ATG4A: variants seen among roughly 807,000 people sequenced by gnomAD.
ATG4A encodes the protein autophagy related 4A cysteine peptidase.
ATG4A carries 22 observed loss-of-function variants against 38.4 expected under a neutral mutation model. The ratio of observed to expected loss-of-function variants is 0.57; its 90% confidence interval spans 0.41 to 0.82. The LOEUF (loss-of-function observed/expected upper bound fraction) is 0.82. ATG4A is among the 40% of genes least tolerant of loss of function. The pLI is 0.00. For missense variants in ATG4A, 220 were observed against 290.0 expected, an observed-to-expected ratio of 0.76 and a Z score of 1.75; for synonymous variants, 86 against 100.7, an observed-to-expected ratio of 0.85 and a Z score of 0.88.
intron 1 of ATG4A, among the ~76,000 whole-genome samples, chrX:108,121,825 CT>C (rs1336678924): frequency 8.9e-6 from 1 of 112,058 alleles, no homozygotes; most frequent in Admixed American, 9.5e-5. Context: ...ACCCTCTATA[CT>C]TAACACATAG....
rs2033550272 is a variant in ATG4A at position 108,150,207 on chromosome X, A to G, written c.870A>G (p.Glu290=). 1 of 1,211,946 alleles carries G rather than the reference A, an allele frequency of 8.3e-7. No homozygotes were observed. Among genetic ancestry groups the G allele is most frequent in the Non-Finnish European group, 1.1e-6 (1 of 895,436 alleles). The change falls in exon 10 of 13, where the codon GAA becomes GAG. Residue 290 remains glutamate (E), a synonymous_variant. Coordinates refer to ENST00000372232, the MANE Select transcript of ATG4A (RefSeq NM_052936.5). ...CAACCCAGACCTTTGTTGACACTGA[A>G]GAGAATGGAACGGTTAATGACCAGA... is the stretch of plus-strand genomic sequence containing the variant. ...PHTTQTFVDT[E]ENGTVNDQTF...
chrX:108,107,887 A>G (rs1316976382), intron 1 of ATG4A, among the ~76,000 whole-genome samples: 2 of 111,194 alleles, frequency 1.8e-5, no homozygotes, highest in Non-Finnish European at 1.9e-5. Context: ...GGGACTCATT[A>G]CTGCCTGGCA....
chrX:108,126,211 G>A, intron 2 of ATG4A, 24 bp downstream of exon 2: 1 of 1,114,983 alleles, frequency 9.0e-7, no homozygotes, highest in Non-Finnish European at 1.2e-6. Flanking sequence ...GCATTTGTCT[G>A]TAAGAACCCA....
rs766089721 is a variant in ATG4A, at chrX:108,109,372, T to TA, written c.11-16705_11-16704insA. Among the ~76,000 whole-genome samples the TA allele has an allele frequency of 7.1e-5, 8 of 112,366 alleles. 1 individual carries two copies. In the East Asian group the frequency reaches 2.2e-3, roughly 31 times the overall value. The stretch of plus-strand genomic sequence containing the variant: ...TGTTGTTCTTTATATATTCTGGATA[T>TA]TAACCCCTTATCAGATATGTGATTT... On this transcript the variant is annotated intron_variant, in intron 1 of 12. Coordinates refer to ENST00000372232, the MANE Select transcript of ATG4A (RefSeq NM_052936.5).
At chrX:108,134,927 G>T (rs2033059213) in intron 6 of ATG4A, among the ~76,000 whole-genome samples, 1 of 112,006 alleles carries the variant, frequency 8.9e-6, no homozygotes, top group Non-Finnish European at 1.9e-5. Flanking sequence ...ACCTGTTGGG[G>T]GCGACAAACC....
At chrX:108,113,092 A>AT (rs967826854) in intron 1 of ATG4A, among the ~76,000 whole-genome samples, 4 of 109,013 alleles carry the variant, frequency 3.7e-5, no homozygotes, top group Admixed American at 2.0e-4. Flanking sequence ...TCTCTAGTCC[A>AT]TTTTTTTTTC....
chrX:108,111,317 T>C (rs915393370), intron 1 of ATG4A, among the ~76,000 whole-genome samples: 4 of 112,790 alleles, frequency 3.5e-5, no homozygotes, highest in Non-Finnish European at 7.5e-5. Context: ...GTACTTTTCA[T>C]TGGTCCTACA....
chrX:108,135,847 C>G lies in ATG4A; in HGVS notation c.468-1244C>G, dbSNP rs189927633. Among the ~76,000 whole-genome samples, 381 of 107,799 alleles carry G rather than the reference C, an allele frequency of 3.5e-3. 2 individuals carry two copies. The highest frequency in any genetic ancestry group is 0.012 in the African/African-American group (360 of 29,478). 93.6% of individuals were successfully genotyped at this position (107,799 alleles called of 115,157 possible). ...TCGCCCAGGCTGGAGTGCAGTGGCA[C>G]AATCTCCGCTCACTGCAACCTCCAC... On this transcript the variant is annotated intron_variant, in intron 6 of 12. Transcript: ENST00000372232.
intron 6 of ATG4A, among the ~76,000 whole-genome samples, chrX:108,136,327 A>C (rs978311838): frequency 5.4e-5 from 6 of 111,490 alleles, no homozygotes. Flanking sequence ...GCCGGGTTAA[A>C]CATGGCCTTA....
In ATG4A at chrX:108,137,848, G is replaced by A; in HGVS notation, c.592G>A (p.Asp198Asn). 1 of 1,188,855 alleles carries A rather than the reference G, an allele frequency of 8.4e-7. No homozygotes were observed. The highest frequency in any genetic ancestry group is 1.1e-6 in the Non-Finnish European group (1 of 886,452). Residue 198 changes from aspartate to asparagine, a missense_variant, in exon 8 of 13, where the codon GAC becomes AAC. Physicochemically the swap from Asp to Asn is conservative, Grantham distance 23. Transcript: ENST00000372232. ...TCCCTTGAGTGCTGACACAGCTGGT[G>A]ACAGGCCTCCCGATTCTTTAACTGC... ...VLPLSADTAGDRPPDSLTASN... is the reference protein window; with the variant it reads ...VLPLSADTAGNRPPDSLTASN...
chrX:108,126,318 T>C, intron 2 of ATG4A, 131 bp downstream of exon 2: 2 of 505,254 alleles, frequency 4.0e-6, no homozygotes, highest in East Asian at 7.6e-5. Context: ...TGAGGTGGAT[T>C]TAACTTGTAG....
chrX:108,142,711 A>C (rs2033334653), intron 9 of ATG4A, among the ~76,000 whole-genome samples: 1 of 110,694 alleles, frequency 9.0e-6, no homozygotes, highest in Non-Finnish European at 1.9e-5. Context: ...GGCTAGGCCC[A>C]TCTCTCTTTT....
intron 6 of ATG4A, among the ~76,000 whole-genome samples, chrX:108,136,613 G>T (rs889481745): frequency 1.8e-5 from 2 of 111,376 alleles, no homozygotes; most frequent in Non-Finnish European, 3.8e-5. Context: ...CTATCTCTGG[G>T]TTTACCTGGA....
upstream of ATG4A, among the ~76,000 whole-genome samples, chrX:108,089,436 T>C (rs1002425451): frequency 8.9e-6 from 1 of 112,338 alleles, no homozygotes; most frequent in Non-Finnish European, 1.9e-5. Context: ...GAAATGTTCA[T>C]TAAACTAGTT....
Position 108,134,365 on chromosome X carries a change from T to C in ATG4A, c.421T>C (p.Ser141Pro). 8.3e-7 allele frequency: 1 copy of C among 1,211,216 alleles called. No homozygotes were observed. Among genetic ancestry groups the C allele is most frequent in the African/African-American group, 1.7e-5 (1 of 57,859 alleles). Residue 141 changes from serine to proline, a missense_variant, in exon 6 of 13, where the codon TCA (serine) becomes CCA (proline). Transcript: ENST00000372232. ...ACAAATGGGTGTAGGAGAAGGGAAA[T>C]CAATTGGAGAATGGTTTGGACCAAA... ...MAQMGVGEGK[S>P]IGEWFGPNTV...
At chrX:108,149,363 C>T (rs937120423) in intron 9 of ATG4A, among the ~76,000 whole-genome samples, 12 of 112,759 alleles carry the variant, frequency 1.1e-4, no homozygotes, top group African/African-American at 2.9e-4. Context: ...GGACTGTCAG[C>T]CCTTTGAATA....
At chrX:108,115,120 T>TATGC (rs1569303546) in intron 1 of ATG4A, among the ~76,000 whole-genome samples, 1 of 87,889 alleles carries the variant, frequency 1.1e-5, no homozygotes, top group African/African-American at 5.4e-5. Flanking sequence ...CATGTATGCG[T>TATGC]GTGTGTGTGT....
upstream of ATG4A, among the ~76,000 whole-genome samples, chrX:108,089,944 T>C (rs1309277394): frequency 1.8e-5 from 2 of 112,333 alleles, no homozygotes; most frequent in African/African-American, 3.2e-5. Flanking sequence ...CCCCACAGAA[T>C]AGAAAATGGT....
At chrX:108,146,548 G>C (rs1411889806) in intron 9 of ATG4A, among the ~76,000 whole-genome samples, 1 of 111,653 alleles carries the variant, frequency 9.0e-6, no homozygotes, top group Non-Finnish European at 1.9e-5. Flanking sequence ...TTTTGTAGTT[G>C]AGTGATACAG....
Sources: allele counts gnomAD v4.1 joint callset (sites outside exome capture counted in the v4.1 genomes callset), GRCh38; gene constraint gnomAD v4.1.1; transcripts MANE v1.5; gene names NCBI Gene and HGNC (gene_info 2026-07-23, HGNC 2026-07-21).